PPEF1: variants seen among roughly 807,000 people sequenced by gnomAD.
PPEF1 encodes serine/threonine-protein phosphatase with EF-hands 1.
In PPEF1, 12 loss-of-function variants were observed where a neutral mutation model predicts 53.3. That is an observed-to-expected ratio of 0.23 (90% CI 0.14 to 0.36). PPEF1 has a LOEUF of 0.36. Among genes scored for constraint, PPEF1 ranks in the 10% least tolerant of loss-of-function variants. PPEF1 has a pLI of 1.00. For missense variants in PPEF1, 334 were observed against 490.4 expected (o/e 0.68, Z 3.01); for synonymous variants, 165 against 176.7 (o/e 0.93, Z 0.52).
chrX:18,703,413 T>C (rs1247182197), upstream of PPEF1, among the ~76,000 whole-genome samples: 1 of 112,424 alleles, frequency 8.9e-6, no homozygotes, highest in African/African-American at 3.2e-5. Context: ...AAAAATTATG[T>C]ATAAGTACTA....
chrX:18,710,891 G>A (rs919443954), intron 1 of PPEF1, among the ~76,000 whole-genome samples: 1 of 110,813 alleles, frequency 9.0e-6, no homozygotes, highest in Non-Finnish European at 1.9e-5. Flanking sequence ...TATGTTTACC[G>A]CAGCACTATT....
chrX:18,700,391 C>G (rs981169954), exon 6 of PPEF1: 1 of 105,822 alleles, frequency 9.4e-6, no homozygotes, highest in Non-Finnish European at 1.9e-5. Flanking sequence ...TTTGAAACAC[C>G]TGGGGTGAGG....
chrX:18,790,522 C>A (rs2046305303), intron 10 of PPEF1, among the ~76,000 whole-genome samples: 1 of 110,862 alleles, frequency 9.0e-6, no homozygotes, highest in Admixed American at 9.7e-5. Flanking sequence ...TGTATCTAAG[C>A]TATTGCCTAA....
At chrX:18,797,002 A>G (rs1218568213) in intron 10 of PPEF1, among the ~76,000 whole-genome samples, 1 of 111,515 alleles carries the variant, frequency 9.0e-6, no homozygotes, top group Non-Finnish European at 1.9e-5. Context: ...GGGGCTCATT[A>G]TTCCATAACA....
chrX:18,777,680 C>T (rs929855391), intron 6 of PPEF1, among the ~76,000 whole-genome samples: 2 of 109,065 alleles, frequency 1.8e-5, no homozygotes, highest in African/African-American at 6.7e-5. Context: ...CCATCACGCC[C>T]GGAGAATTTT....
intron 1 of PPEF1, among the ~76,000 whole-genome samples, chrX:18,710,823 A>G (rs938101248): frequency 2.7e-5 from 3 of 111,277 alleles, no homozygotes; most frequent in Non-Finnish European, 1.9e-5. Flanking sequence ...TCATCCAGCA[A>G]TCCCACCACG....
chrX:18,720,407 C>T (rs753484527), intron 1 of PPEF1, among the ~76,000 whole-genome samples: 2 of 111,256 alleles, frequency 1.8e-5, no homozygotes, highest in African/African-American at 3.3e-5. Context: ...GCCTGGCCAA[C>T]GTGATGAAAC....
intron 6 of PPEF1, among the ~76,000 whole-genome samples, chrX:18,778,462 G>A (rs1159070897): frequency 1.8e-5 from 2 of 111,197 alleles, no homozygotes; most frequent in African/African-American, 3.3e-5. Flanking sequence ...CAGTACATCC[G>A]AGCTGCTCAG....
At chrX:18,728,486 A>T (rs1190605643) in intron 1 of PPEF1, among the ~76,000 whole-genome samples, 1 of 110,940 alleles carries the variant, frequency 9.0e-6, no homozygotes, top group Non-Finnish European at 1.9e-5. Flanking sequence ...ATGATCAGTT[A>T]CCTCCCACCA....
At chrX:18,748,798 C>G (rs1399804349) in intron 3 of PPEF1, among the ~76,000 whole-genome samples, 1 of 111,452 alleles carries the variant, frequency 9.0e-6, no homozygotes, top group Non-Finnish European at 1.9e-5. Context: ...TGGCATTGTT[C>G]CTAAAGAGTG....
At chrX:18,779,736 G>A (rs768687625) in intron 7 of PPEF1, among the ~76,000 whole-genome samples, 3 of 112,446 alleles carry the variant, frequency 2.7e-5, no homozygotes, top group Non-Finnish European at 5.6e-5. Context: ...ATCTTTGCTG[G>A]AAGGCACAGT....
At chrX:18,707,583 C>G (rs2044227255), upstream of PPEF1, 2 of 394,620 alleles carry the variant, frequency 5.1e-6, no homozygotes, top group African/African-American at 5.1e-5. Flanking sequence ...TAAAATGAAT[C>G]CTGCTGAGCA....
rs72616070 is a variant in PPEF1 at position 18,824,064 on chromosome X, G to A, written c.1643G>A (p.Arg548His). 21 of 1,198,882 alleles carry A rather than the reference G, an allele frequency of 1.8e-5. No individual in the cohort carries two copies. In the East Asian group the frequency reaches 3.0e-4, roughly 17 times the overall value. The part of the protein sequence containing the change: ...VEYMSSFQNI[R>H]IEKPVQEAHS... ...TACATGTCCAGCTTCCAGAATATCC[G>A]CATTGAAAAACCTGTACAAGAGGCA... is the stretch of plus-strand genomic sequence containing the variant. The change falls in exon 14 of 16, where the codon CGC becomes CAC. Residue 548 changes from arginine (R) to histidine (H), a missense_variant. Arg to His is a conservative substitution (Grantham distance 29, BLOSUM62 0). Coordinates refer to ENST00000470157, the MANE Select transcript of PPEF1 (RefSeq NM_001377996.1).
chrX:18,704,827 A>AT (rs1439170302), upstream of PPEF1, among the ~76,000 whole-genome samples: 3 of 111,359 alleles, frequency 2.7e-5, no homozygotes, highest in Non-Finnish European at 5.7e-5. Flanking sequence ...GGGCATCAGT[A>AT]TTTTTTAAAC....
At chrX:18,754,771 A>G (rs1161818807) in intron 4 of PPEF1, among the ~76,000 whole-genome samples, 1 of 111,103 alleles carries the variant, frequency 9.0e-6, no homozygotes, top group Non-Finnish European at 1.9e-5. Context: ...TTAATTTTTT[A>G]TTAGCTTTTG....
intron 1 of PPEF1, among the ~76,000 whole-genome samples, chrX:18,676,890 C>A (rs1199461030): frequency 9.0e-6 from 1 of 111,494 alleles, no homozygotes; most frequent in Admixed American, 9.6e-5. Flanking sequence ...TGCTTAACCT[C>A]TGTGCAGAAA....
chrX:18,818,370 CTTTTT>C (rs11297772), intron 13 of PPEF1, among the ~76,000 whole-genome samples: 1 of 81,712 alleles, frequency 1.2e-5, no homozygotes. Context: ...CTGAATTAAA[CTTTTT>C]TTTTTTTTTT....
At chrX:18,694,330 A>G (rs1158609774) in intron 4 of PPEF1, among the ~76,000 whole-genome samples, 3 of 111,698 alleles carry the variant, frequency 2.7e-5, no homozygotes, top group Non-Finnish European at 3.8e-5. Flanking sequence ...TGGTAAGTGT[A>G]TGTTCAACTT....
chrX:18,770,614 GT>G (rs2045855044), intron 6 of PPEF1, among the ~76,000 whole-genome samples: 1 of 111,700 alleles, frequency 9.0e-6, no homozygotes, highest in African/African-American at 3.3e-5. Context: ...GGATGGATTA[GT>G]TGACCATTAC....
Sources: gnomAD v4.1 joint callset for allele counts (sites outside exome capture counted in the v4.1 genomes callset) on GRCh38, gnomAD v4.1.1 for gene constraint, MANE v1.5 for transcripts, NCBI Gene and HGNC (gene_info 2026-07-23, HGNC 2026-07-21) for gene names.